Variants in PRKAR1B observed in about 807,000 individuals in gnomAD.
The protein encoded by PRKAR1B is cAMP-dependent protein kinase type I-beta regulatory subunit.
A neutral mutation model predicts 46.5 loss-of-function variants in PRKAR1B; 22 were observed. That is an observed-to-expected ratio of 0.47 (90% confidence interval 0.34 to 0.68). The LOEUF is 0.68. Ranked by LOEUF, PRKAR1B falls within the 30% of genes least tolerant of loss-of-function variation. The probability of loss-of-function intolerance (pLI) is 0.01; values close to 1 mark genes in which losing one functional copy is unlikely to be tolerated. For synonymous variants in PRKAR1B, 259 were observed against 217.7 expected (o/e 1.19, Z -1.67); for missense variants, 445 against 535.6 (o/e 0.83, Z 1.67).
At chr7:699,749 T>C (rs34427968) in intron 2 of PRKAR1B, among the ~76,000 whole-genome samples, 21,371 of 152,038 alleles carry the variant, frequency 0.14, 1,620 homozygotes, top group South Asian at 0.21. Flanking sequence ...TGGGTGGCCA[T>C]GGGCTGCAGT....
At chr7:553,231 C>T (rs1310943747) in intron 9 of PRKAR1B, among the ~76,000 whole-genome samples, 2 of 152,238 alleles carry the variant, frequency 1.3e-5, no homozygotes, top group Admixed American at 1.3e-4. Context: ...GAGAAGCTTC[C>T]TCTGAACAGC....
At chr7:658,031 C>T (rs543110191) in intron 4 of PRKAR1B, among the ~76,000 whole-genome samples, 1 of 152,284 alleles carries the variant, frequency 6.6e-6, no homozygotes, top group East Asian at 1.9e-4. Context: ...ACGTCAGAAA[C>T]ACAGGCCGAG....
intron 1 of PRKAR1B, among the ~76,000 whole-genome samples, chr7:720,388 T>A (rs186410941): frequency 8.0e-4 from 122 of 152,326 alleles, no homozygotes; most frequent in Admixed American, 2.2e-3. Context: ...TTTGCTAAGG[T>A]TTGCCTTATG....
At chr7:722,995 G>A (rs1024198621) in intron 1 of PRKAR1B, among the ~76,000 whole-genome samples, 2 of 152,144 alleles carry the variant, frequency 1.3e-5, no homozygotes, top group African/African-American at 2.4e-5. Context: ...TGGCTCTCCT[G>A]GGACTGCTGC....
chr7:679,609 C>T (rs1258748009), intron 3 of PRKAR1B, among the ~76,000 whole-genome samples: 1 of 152,196 alleles, frequency 6.6e-6, no homozygotes, highest in East Asian at 1.9e-4. Flanking sequence ...CTCAGTTCTG[C>T]AAGGTAAGAA....
chr7:607,929 C>G (rs1273130762), intron 4 of PRKAR1B: 1 of 171,818 alleles, frequency 5.8e-6, no homozygotes, highest in Non-Finnish European at 1.2e-5. Flanking sequence ...GCATTCGGAA[C>G]CTCTCTGTGG....
At chr7:569,414 G>C (rs1779369491) in intron 9 of PRKAR1B, among the ~76,000 whole-genome samples, 1 of 152,202 alleles carries the variant, frequency 6.6e-6, no homozygotes, top group Admixed American at 6.5e-5. Context: ...AGTTCAGCCG[G>C]GTGCTGGGAA....
intron 4 of PRKAR1B, among the ~76,000 whole-genome samples, chr7:650,300 G>T (rs1784834349): frequency 6.6e-6 from 1 of 152,144 alleles, no homozygotes; most frequent in South Asian, 2.1e-4. Context: ...ACCCTAGAGG[G>T]TCTGCATCCC....
intron 1 of PRKAR1B, among the ~76,000 whole-genome samples, chr7:717,974 C>A (rs933240001): frequency 5.3e-5 from 8 of 152,072 alleles, no homozygotes; most frequent in African/African-American, 1.9e-4. Flanking sequence ...CCAGGGGACT[C>A]TCTCCCTTGC....
intron 9 of PRKAR1B, among the ~76,000 whole-genome samples, chr7:575,199 G>C (rs771768529): frequency 3.3e-5 from 5 of 152,236 alleles, no homozygotes; most frequent in Non-Finnish European, 7.3e-5. Context: ...CTCATCGGAA[G>C]ACCCAGCTGG....
intron 4 of PRKAR1B, among the ~76,000 whole-genome samples, chr7:652,804 G>T (rs1035002406): frequency 6.6e-6 from 1 of 152,180 alleles, no homozygotes; most frequent in Non-Finnish European, 1.5e-5. Context: ...CGGGTATTTT[G>T]GTTATTTATT....
chr7:658,264 A>G (rs924982032), intron 4 of PRKAR1B, among the ~76,000 whole-genome samples: 26 of 151,962 alleles, frequency 1.7e-4, no homozygotes, highest in African/African-American at 4.1e-4. Context: ...CGAGACCCCC[A>G]TCTCTACAAA....
At chr7:658,586 C>T (rs987816741) in intron 4 of PRKAR1B, among the ~76,000 whole-genome samples, 6 of 152,112 alleles carry the variant, frequency 3.9e-5, no homozygotes, top group East Asian at 1.9e-4. Context: ...CTATGGAAGC[C>T]GGCGGCTCAC....
At chr7:635,786 G>C (rs1250911851) in intron 4 of PRKAR1B, among the ~76,000 whole-genome samples, 1 of 152,102 alleles carries the variant, frequency 6.6e-6, no homozygotes, top group Non-Finnish European at 1.5e-5. Flanking sequence ...ATGAGCTTTG[G>C]AGGCAGGAGT....
At chr7:612,469 T>C (rs1212832735) in intron 4 of PRKAR1B, among the ~76,000 whole-genome samples, 1 of 145,256 alleles carries the variant, frequency 6.9e-6, no homozygotes, top group African/African-American at 2.6e-5. Flanking sequence ...GATGGATGGA[T>C]GGATGGATGT....
chr7:594,729 C>G (rs1781171634), intron 7 of PRKAR1B, among the ~76,000 whole-genome samples: 1 of 151,844 alleles, frequency 6.6e-6, no homozygotes, highest in South Asian at 2.1e-4. Flanking sequence ...AGGGAAATCC[C>G]AAACCATAAG....
At chr7:601,219 A>T (rs949291330) in intron 6 of PRKAR1B, among the ~76,000 whole-genome samples, 1 of 152,166 alleles carries the variant, frequency 6.6e-6, no homozygotes, top group Non-Finnish European at 1.5e-5. Context: ...ACCAGGGAAA[A>T]CCGCTAGCCT....
At chr7:553,102 G>A (rs962285443) in intron 9 of PRKAR1B, among the ~76,000 whole-genome samples, 1 of 152,238 alleles carries the variant, frequency 6.6e-6, no homozygotes, top group African/African-American at 2.4e-5. Context: ...GCCTGGCACA[G>A]GGAAAGCGTG....
intron 9 of PRKAR1B, among the ~76,000 whole-genome samples, chr7:557,446 C>T (rs1346198477): frequency 1.3e-5 from 2 of 152,266 alleles, no homozygotes; most frequent in African/African-American, 2.4e-5. Context: ...CTAGCTGATA[C>T]ACCACCCTGC....
Sources: gnomAD v4.1 joint callset for allele counts (sites outside exome capture counted in the v4.1 genomes callset) on GRCh38, gnomAD v4.1.1 for gene constraint, MANE v1.5 for transcripts, NCBI Gene and HGNC (gene_info 2026-07-23, HGNC 2026-07-21) for gene names.